TRIM58: variants seen among roughly 807,000 people sequenced by gnomAD.
TRIM58 encodes tripartite motif containing 58.
TRIM58 carries 38 observed loss-of-function variants against 34.1 expected under a neutral mutation model. That is an observed-to-expected ratio of 1.12 (90% CI 0.86 to 1.46). TRIM58 has a LOEUF of 1.46. TRIM58 is among the 40% of genes most tolerant of loss of function. The pLI is 0.00. For synonymous variants in TRIM58, 273 were observed against 275.7 expected, an observed-to-expected ratio of 0.99 and a Z score of 0.10; for missense variants, 677 against 642.0, an observed-to-expected ratio of 1.05 and a Z score of -0.59.
chr1:247,878,274 C>A lies in TRIM58; in HGVS notation c.*1785C>A, dbSNP rs746043223. The A allele has an allele frequency of 6.6e-6, 1 of 151,996 alleles. No homozygotes were observed. The highest frequency in any genetic ancestry group is 1.5e-5 in the Non-Finnish European group (1 of 67,994). The allele number at this position is 151,996 out of a possible 1,614,324, so 9.4% of individuals were successfully genotyped here. A position where few individuals can be genotyped will look rare whatever the true frequency, so the allele number is the denominator to read the frequency against. On this transcript the variant is annotated 3_prime_UTR_variant, in exon 6 of 6. Coordinates refer to ENST00000366481, the MANE Select transcript of TRIM58 (RefSeq NM_015431.4). ...ATGCTAACCAAATATTAATTAATGGCAAATTATTTAACATTATCTGATAAT... is the reference window on the plus strand; with the variant it reads ...ATGCTAACCAAATATTAATTAATGGAAAATTATTTAACATTATCTGATAAT...
At position 247,857,267 on chromosome 1, in the gene TRIM58, G is replaced by A; in HGVS notation, c.21G>A (p.Gly7=). 7.4e-7 allele frequency: 1 copy of A among 1,347,858 alleles called. No individual in the cohort carries two copies. The highest frequency in any genetic ancestry group is 3.7e-5 in the Admixed American group (1 of 26,706). 83.5% of individuals were successfully genotyped at this position (1,347,858 alleles called of 1,614,324 possible). A position where few individuals can be genotyped will look rare whatever the true frequency, so the allele number is the denominator to read the frequency against. ...GGGTCATGGCCTGGGCGCCGCCCGGGGAGCGGCTGCGCGAGGATGCGCGGT... is the reference window on the plus strand; with the variant it reads ...GGGTCATGGCCTGGGCGCCGCCCGGAGAGCGGCTGCGCGAGGATGCGCGGT... The part of the protein sequence containing the change: MAWAPP[G]ERLREDARCP... Residue 7 remains glycine, a synonymous_variant, in exon 1 of 6, where the codon GGG becomes GGA. Transcript: ENST00000366481.
At chr1:247,870,779 C>A (rs1374575422) in intron 5 of TRIM58, among the ~76,000 whole-genome samples, 26 of 36,014 alleles carry the variant, frequency 7.2e-4, no homozygotes, top group Non-Finnish European at 8.9e-4. Context: ...ACCCGTAGAG[C>A]CTGCACCACC....
At position 247,879,370 on chromosome 1, in the gene TRIM58, C is replaced by G. The variant is rs77373480; in HGVS notation, c.*2881C>G. On this transcript the variant is annotated 3_prime_UTR_variant, in exon 6 of 6. Coordinates refer to ENST00000366481, the MANE Select transcript of TRIM58 (RefSeq NM_015431.4). ...CCATGGTCAGAACTCCATCCTGCCC[C>G]TCTGGATTATGACTTTCGTTTCCTC... is the stretch of plus-strand genomic sequence containing the variant. Among the ~76,000 whole-genome samples the G allele has an allele frequency of 7.9e-5, 12 of 152,320 alleles. No homozygotes were observed. The East Asian group carries it at 2.3e-3, about 29-fold the overall frequency.
At chr1:247,861,503 G>A (rs1663792404) in intron 2 of TRIM58, among the ~76,000 whole-genome samples, 2 of 152,140 alleles carry the variant, frequency 1.3e-5, no homozygotes, top group African/African-American at 4.8e-5. Context: ...TGTCAGTAGT[G>A]TCAAGATTGA....
chr1:247,857,522 GGCGCGGCGATGCGCGCGGCACGGC>G lies in TRIM58; in HGVS notation c.278_301del (p.Ala93_Gly100del). The G allele has an allele frequency of 7.8e-7, 1 of 1,285,796 alleles. No homozygotes were observed. Among genetic ancestry groups the G allele is most frequent in the Non-Finnish European group, 9.8e-7 (1 of 1,019,906 alleles). The allele number at this position is 1,285,796 out of a possible 1,614,324, so 79.6% of individuals were successfully genotyped here. On this transcript the variant is annotated inframe_deletion, in exon 1 of 6. Coordinates refer to ENST00000366481, the MANE Select transcript of TRIM58 (RefSeq NM_015431.4). ...GGCTGGGGTTGGGCGCGGGGCCCGGGGCGCGGCGATGCGCGCGGCACGGCGAGGACCTGAGCCGCTTCTGCGAGG... is the reference window on the plus strand; with the variant it reads ...GGCTGGGGTTGGGCGCGGGGCCCGGGGAGGACCTGAGCCGCTTCTGCGAGG...
At position 247,877,577 on chromosome 1, in the gene TRIM58, A is replaced by G. The variant is rs1659319195; in HGVS notation, c.*1088A>G. On this transcript the variant is annotated 3_prime_UTR_variant, in exon 6 of 6. Coordinates refer to ENST00000366481, the MANE Select transcript of TRIM58 (RefSeq NM_015431.4). ...AGCCCAGTGCGAGACTCCATCTCAA[A>G]AAAGAAAAAAGACCTCAAACAACAC... 6.6e-6 allele frequency: 1 copy of G among 152,130 alleles called. No individual in the cohort carries two copies. The highest frequency in any genetic ancestry group is 2.4e-5 in the African/African-American group (1 of 41,414). The allele number at this position is 152,130 out of a possible 1,614,324, so 9.4% of individuals were successfully genotyped here.
chr1:247,857,648 G>C lies in TRIM58; in HGVS notation c.402G>C (p.Glu134Asp). The part of the protein sequence containing the change: ...HRTHRTAPLQ[E>D]AAGSYQVKLQ... ...CGCACCGCACGGCGCCGCTGCAGGA[G>C]GCCGCCGGCAGCTACCAGGTGAGGC... The change falls in exon 1 of 6, where the codon GAG (glutamate) becomes GAC (aspartate). Residue 134 changes from glutamate to aspartate, a missense_variant. Physicochemically the swap from Glu to Asp is conservative, Grantham distance 45. Transcript: ENST00000366481. The C allele has an allele frequency of 1.6e-6, 2 of 1,234,256 alleles. No homozygotes were observed. The highest frequency in any genetic ancestry group is 2.0e-6 in the Non-Finnish European group (2 of 989,284). 76.5% of individuals were successfully genotyped at this position (1,234,256 alleles called of 1,614,324 possible).
At position 247,876,232 on chromosome 1, in the gene TRIM58, C is replaced by T; in HGVS notation, c.1204C>T (p.Leu402Phe). ...GGTCCTTGCCTCCCCATCAGTGCCTCTTCTCCAACTGGAAAGTCCTCGCTG... is the reference window on the plus strand; with the variant it reads ...GGTCCTTGCCTCCCCATCAGTGCCTTTTCTCCAACTGGAAAGTCCTCGCTG... ...YMVLASPSVPLLQLESPRCIG... is the reference protein window; with the variant it reads ...YMVLASPSVPFLQLESPRCIG... The change falls in exon 6 of 6, where the codon CTT becomes TTT. Residue 402 changes from leucine to phenylalanine, a missense_variant. By Grantham distance (22) the Leu-to-Phe change is conservative. Transcript: ENST00000366481. The T allele has an allele frequency of 1.9e-6, 3 of 1,614,242 alleles. No individual in the cohort carries two copies. Among genetic ancestry groups the T allele is most frequent in the Non-Finnish European group, 2.5e-6 (3 of 1,180,044 alleles).
chr1:247,858,326 A>T (rs12145891), intron 1 of TRIM58, among the ~76,000 whole-genome samples: 4 of 152,210 alleles, frequency 2.6e-5, no homozygotes, highest in Admixed American at 6.5e-5. Flanking sequence ...GAAGAAAAAC[A>T]AAATGGGAGT....
chr1:247,858,802 T>C (rs368800077), intron 1 of TRIM58, among the ~76,000 whole-genome samples: 1 of 125,456 alleles, frequency 8.0e-6, no homozygotes. Context: ...GTTCTGTAGC[T>C]CAGGCTGGAG....
In TRIM58 at chr1:247,875,916, T is replaced by G; in HGVS notation, c.888T>G (p.Asp296Glu). 1 of 1,611,638 alleles carries G rather than the reference T, an allele frequency of 6.2e-7. No homozygotes were observed. Among genetic ancestry groups the G allele is most frequent in the Non-Finnish European group, 8.5e-7 (1 of 1,178,418 alleles). Residue 296 changes from aspartate (D) to glutamate (E), a missense_variant, in exon 6 of 6, where the codon GAT (aspartate) becomes GAG (glutamate). Transcript: ENST00000366481. ...TTTCCGCAGTGGATGTAAAGCTGGA[T>G]CCCGCCACGGCGCACCCGAGTCTGC... The part of the protein sequence containing the change: ...LRKFQVDVKL[D>E]PATAHPSLLL...
Position 247,859,965 on chromosome 1 carries a change from T to G in TRIM58, c.421-652T>G, listed in dbSNP as rs139527069. The stretch of plus-strand genomic sequence containing the variant: ...AGCACATTTTTTTTCAAAATTCATG[T>G]TGTTTTGTAAAATATTTTTATTCAT... On this transcript the variant is annotated intron_variant, in intron 1 of 5. Transcript: ENST00000366481. 6.8e-3 allele frequency among the ~76,000 whole-genome samples: 1,038 copies of G among 152,306 alleles called. 10 individuals are homozygous for G. The highest frequency in any genetic ancestry group is 0.017 in the Middle Eastern group (5 of 294).
In TRIM58 at chr1:247,867,990, A is replaced by C; in HGVS notation, c.798A>C (p.Ala266=). ...SRSKAVTRLE[A]ENIPMELKTA... is the part of the protein sequence containing the mutation. ...GTAAGGCTGTCACAAGGCTGGAAGC[A>C]GAGAACATCCCCATGGAACTGAAGA... The change falls in exon 5 of 6, where the codon GCA becomes GCC. Residue 266 remains alanine, a synonymous_variant. Transcript: ENST00000366481. 6.2e-7 allele frequency: 1 copy of C among 1,613,222 alleles called. No individual in the cohort carries two copies. The highest frequency in any genetic ancestry group is 8.5e-7 in the Non-Finnish European group (1 of 1,179,768).
chr1:247,876,239 A>G lies in TRIM58; in HGVS notation c.1211A>G (p.Gln404Arg). The G allele has an allele frequency of 6.2e-7, 1 of 1,614,234 alleles. No individual in the cohort carries two copies. Among genetic ancestry groups the G allele is most frequent in the South Asian group, 1.1e-5 (1 of 91,086 alleles). Residue 404 changes from glutamine to arginine, a missense_variant, in exon 6 of 6, where the codon CAA becomes CGA. By Grantham distance (43) the Gln-to-Arg change is conservative (BLOSUM62 1). Transcript: ENST00000366481. ...GCCTCCCCATCAGTGCCTCTTCTCCAACTGGAAAGTCCTCGCTGCATTGGG... is the reference window on the plus strand; with the variant it reads ...GCCTCCCCATCAGTGCCTCTTCTCCGACTGGAAAGTCCTCGCTGCATTGGG... Reference protein sequence around the residue: ...VLASPSVPLLQLESPRCIGIF... With the variant: ...VLASPSVPLLRLESPRCIGIF...
chr1:247,859,069 C>T (rs1663716538), intron 1 of TRIM58, among the ~76,000 whole-genome samples: 1 of 152,130 alleles, frequency 6.6e-6, no homozygotes, highest in South Asian at 2.1e-4. Flanking sequence ...TGTAATATTT[C>T]TAAAGGTGTT....
chr1:247,860,768 G>A, intron 2 of TRIM58, 56 bp downstream of exon 2: 1 of 1,370,910 alleles, frequency 7.3e-7, no homozygotes, highest in Non-Finnish European at 1.0e-6. Flanking sequence ...CCAGATTCGG[G>A]TCAGTAATTC....
chr1:247,860,320 A>C (rs936168320), intron 1 of TRIM58, among the ~76,000 whole-genome samples: 1 of 152,062 alleles, frequency 6.6e-6, no homozygotes, highest in Non-Finnish European at 1.5e-5. Context: ...AATTAGCTGA[A>C]TGTAATGATG....
At chr1:247,862,706 C>G (rs1663821885) in intron 2 of TRIM58, among the ~76,000 whole-genome samples, 1 of 152,184 alleles carries the variant, frequency 6.6e-6, no homozygotes, top group Non-Finnish European at 1.5e-5. Context: ...AGGGATGATA[C>G]TAAGATCCCT....
chr1:247,859,897 TC>T (rs1380832557), intron 1 of TRIM58, among the ~76,000 whole-genome samples: 1 of 152,126 alleles, frequency 6.6e-6, no homozygotes, highest in Non-Finnish European at 1.5e-5. Context: ...TTATCTAATA[TC>T]ATTCTCATTT....
Sources: gnomAD v4.1 joint callset for allele counts (sites outside exome capture counted in the v4.1 genomes callset) on GRCh38, gnomAD v4.1.1 for gene constraint, MANE v1.5 for transcripts, NCBI Gene and HGNC (gene_info 2026-07-23, HGNC 2026-07-21) for gene names.